Variants in ZFYVE9 observed in about 807,000 individuals in gnomAD.
The protein encoded by ZFYVE9 is zinc finger FYVE domain-containing protein 9.
ZFYVE9 carries 43 observed loss-of-function variants against 126.7 expected under a neutral mutation model. That is an observed-to-expected ratio of 0.34 (90% CI 0.27 to 0.44). ZFYVE9 has a LOEUF of 0.44. Among genes scored for constraint, ZFYVE9 ranks in the 20% least tolerant of loss-of-function variants. The probability of loss-of-function intolerance (pLI) is 1.00; values close to 1 mark genes in which losing one functional copy is unlikely to be tolerated. For synonymous variants in ZFYVE9, 521 were observed against 597.4 expected (o/e 0.87, Z 1.87); for missense variants, 1,476 against 1,697.0 (o/e 0.87, Z 2.29).
chr1:52,311,114 C>T (rs943163520), intron 13 of ZFYVE9, among the ~76,000 whole-genome samples: 10 of 152,178 alleles, frequency 6.6e-5, no homozygotes, highest in African/African-American at 2.4e-4. Flanking sequence ...AGTTCTTCTG[C>T]CTTGGCCTCC....
intron 1 of ZFYVE9, among the ~76,000 whole-genome samples, chr1:52,154,571 C>CAA (rs1266577573): frequency 6.6e-6 from 1 of 152,138 alleles, no homozygotes; most frequent in African/African-American, 2.4e-5. Flanking sequence ...ACACATGAAA[C>CAA]AAAGATTTTC....
At chr1:52,273,437 T>C (rs1223884961) in intron 7 of ZFYVE9, among the ~76,000 whole-genome samples, 1 of 152,240 alleles carries the variant, frequency 6.6e-6, no homozygotes, top group Admixed American at 6.5e-5. Flanking sequence ...TTGAGCATGT[T>C]CTATTTAATA....
intron 1 of ZFYVE9, among the ~76,000 whole-genome samples, chr1:52,154,780 A>C (rs906395613): frequency 6.6e-6 from 1 of 152,160 alleles, no homozygotes; most frequent in Non-Finnish European, 1.5e-5. Flanking sequence ...TCTGTCTGTT[A>C]AGAAGATTTT....
chr1:52,251,408 AAG>A (rs1296362022), intron 4 of ZFYVE9, among the ~76,000 whole-genome samples: 1 of 152,046 alleles, frequency 6.6e-6, no homozygotes, highest in African/African-American at 2.4e-5. Flanking sequence ...TAAATCATGA[AAG>A]AGTGTTGAAT....
rs757225329 is a variant in ZFYVE9, at chr1:52,239,269, C to G, written c.1852C>G (p.Leu618Val). 1.2e-6 allele frequency: 2 copies of G among 1,614,108 alleles called. No individual in the cohort carries two copies. The highest frequency in any genetic ancestry group is 2.2e-5 in the East Asian group (1 of 44,878). The change falls in exon 4 of 19, where the codon CTT becomes GTT. Residue 618 changes from leucine (L) to valine (V), a missense_variant. Coordinates refer to ENST00000287727, the MANE Select transcript of ZFYVE9 (RefSeq NM_004799.4). ...TAATACTAAAAATAAAAATGATATT[C>G]TTGGGAAAGCAAAATTAGGGGAAAA... The part of the protein sequence containing the change: ...GNNTKNKNDI[L>V]GKAKLGENSA...
At chr1:52,261,017 C>A (rs935208617) in intron 4 of ZFYVE9, among the ~76,000 whole-genome samples, 2 of 152,006 alleles carry the variant, frequency 1.3e-5, no homozygotes, top group Non-Finnish European at 1.5e-5. Flanking sequence ...CATACTATTT[C>A]CTCTACTATT....
At chr1:52,171,370 G>A (rs1412826291) in intron 1 of ZFYVE9, among the ~76,000 whole-genome samples, 2 of 152,146 alleles carry the variant, frequency 1.3e-5, no homozygotes, top group Non-Finnish European at 2.9e-5. Flanking sequence ...TGGTGTATAT[G>A]TGCCACATTT....
chr1:52,191,947 A>G (rs1644819579), intron 1 of ZFYVE9, among the ~76,000 whole-genome samples: 1 of 152,150 alleles, frequency 6.6e-6, no homozygotes, highest in Admixed American at 6.6e-5. Context: ...AGAAATTTGG[A>G]GAGAGACTAA....
chr1:52,181,276 G>T, intron 1 of ZFYVE9, among the ~76,000 whole-genome samples: 1 of 152,240 alleles, frequency 6.6e-6, no homozygotes, highest in Admixed American at 6.5e-5. Context: ...GTGGAGACGG[G>T]GTTTCGCTGG....
At chr1:52,278,710 G>C (rs879093304) in intron 9 of ZFYVE9, 96 bp downstream of exon 9, 3 of 813,428 alleles carry the variant, frequency 3.7e-6, no homozygotes, top group Non-Finnish European at 5.5e-6. Context: ...TTTTTATATA[G>C]AGCCACATCT....
chr1:52,168,224 T>C (rs956938854), intron 1 of ZFYVE9, among the ~76,000 whole-genome samples: 4 of 144,830 alleles, frequency 2.8e-5, no homozygotes, highest in Non-Finnish European at 4.6e-5. Flanking sequence ...CTTTTTTTTT[T>C]TTTTTTTTTT....
At chr1:52,287,053 T>G (rs187330931) in intron 10 of ZFYVE9, among the ~76,000 whole-genome samples, 463 of 152,244 alleles carry the variant, frequency 3.0e-3, no homozygotes, top group Non-Finnish European at 4.9e-3. Context: ...ACAGAAGTAG[T>G]CTCTTCTGAA....
intron 1 of ZFYVE9, among the ~76,000 whole-genome samples, chr1:52,208,689 A>G (rs1037517034): frequency 3.9e-5 from 6 of 152,002 alleles, no homozygotes; most frequent in African/African-American, 1.4e-4. Context: ...ATGCACCACC[A>G]TGCCTGACTA....
intron 13 of ZFYVE9, among the ~76,000 whole-genome samples, chr1:52,330,705 TTC>T (rs1278129064): frequency 6.6e-6 from 1 of 152,138 alleles, no homozygotes; most frequent in Non-Finnish European, 1.5e-5. Flanking sequence ...CTTTACAGCA[TTC>T]TGTTTTTATC....
intron 13 of ZFYVE9, 144 bp from the exon 14 acceptor site, chr1:52,332,624 A>T: frequency 1.1e-6 from 1 of 946,116 alleles, no homozygotes; most frequent in Non-Finnish European, 1.5e-6. Context: ...ACATTTTTTT[A>T]CTTTGTTTCA....
rs534170644 is a variant in ZFYVE9, at chr1:52,198,111, T to G, written c.-142-18258T>G. ...GTTGTCATTAAATAATATTGTAGTG[T>G]TTTTTTTTGTTTGTTTTTTTTTTTT... On this transcript the variant is annotated intron_variant, in intron 1 of 18. Coordinates refer to ENST00000287727, the MANE Select transcript of ZFYVE9 (RefSeq NM_004799.4). Among the ~76,000 whole-genome samples the G allele has an allele frequency of 6.4e-4, 20 of 31,450 alleles. 1 individual carries two copies. Among genetic ancestry groups the G allele is most frequent in the Admixed American group, 2.2e-3 (4 of 1,808 alleles). 20.6% of individuals were successfully genotyped at this position (31,450 alleles called of 152,430 possible). A position where few individuals can be genotyped will look rare whatever the true frequency, so the allele number is the denominator to read the frequency against.
chr1:52,194,660 G>A (rs1478422387), intron 1 of ZFYVE9, among the ~76,000 whole-genome samples: 2 of 152,114 alleles, frequency 1.3e-5, no homozygotes, highest in Non-Finnish European at 2.9e-5. Flanking sequence ...AGCATGTTTG[G>A]TGGAAAACTT....
At chr1:52,147,330 A>T (rs147222062) in intron 1 of ZFYVE9, among the ~76,000 whole-genome samples, 75 of 152,332 alleles carry the variant, frequency 4.9e-4, no homozygotes, top group African/African-American at 1.6e-3. Flanking sequence ...TGCAAACATC[A>T]CTGCTGTCTA....
intron 1 of ZFYVE9, among the ~76,000 whole-genome samples, chr1:52,169,399 G>A (rs543212241): frequency 5.3e-5 from 8 of 152,148 alleles, no homozygotes; most frequent in African/African-American, 1.9e-4. Context: ...GACACTGTCT[G>A]AATAAAATAA....
Sources: gnomAD v4.1 joint callset for allele counts (sites outside exome capture counted in the v4.1 genomes callset) on GRCh38, gnomAD v4.1.1 for gene constraint, MANE v1.5 for transcripts, NCBI Gene and HGNC (gene_info 2026-07-23, HGNC 2026-07-21) for gene names.